The following MAF variants were observed in gnomAD, a reference collection of about 807,000 sequenced individuals.
MAF encodes transcription factor Maf.
MAF carries 10 observed loss-of-function variants against 22.0 expected under a neutral mutation model. That is an observed-to-expected ratio of 0.45 (90% confidence interval 0.28 to 0.77). The LOEUF (loss-of-function observed/expected upper bound fraction) is 0.77. MAF is among the 30% of genes least tolerant of loss of function. The pLI, the probability that MAF is intolerant of heterozygous loss-of-function variation, is 0.12. For synonymous variants in MAF, 337 were observed against 255.8 expected (o/e 1.32, Z -3.03); for missense variants, 544 against 548.4 (o/e 0.99, Z 0.08).
At chr16:79,443,920 A>T in the MAF span, among the ~76,000 whole-genome samples, 11 of 152,044 alleles carry the variant, frequency 7.2e-5, no homozygotes, top group Non-Finnish European at 2.9e-5. Context: ...TTTTTTTTTT[A>T]AATGAAGATT....
the MAF span, among the ~76,000 whole-genome samples, chr16:79,348,985 C>A: frequency 6.6e-6 from 1 of 152,194 alleles, no homozygotes; most frequent in Non-Finnish European, 1.5e-5. Context: ...ACTCCCCCTG[C>A]ACCTGAGCCT....
chr16:79,400,119 G>T, the MAF span, among the ~76,000 whole-genome samples: 1 of 152,154 alleles, frequency 6.6e-6, no homozygotes, highest in African/African-American at 2.4e-5. Flanking sequence ...CAGGGTAGTT[G>T]CTATTGACAT....
chr16:79,239,724 T>C, the MAF span, among the ~76,000 whole-genome samples: 9 of 152,068 alleles, frequency 5.9e-5, no homozygotes, highest in Admixed American at 6.6e-5. Context: ...AAGCCTTCTC[T>C]GTTTTGTTTA....
the MAF span, among the ~76,000 whole-genome samples, chr16:79,496,786 T>C: frequency 2.0e-5 from 3 of 152,196 alleles, no homozygotes; most frequent in Non-Finnish European, 4.4e-5. Context: ...GCCCATGATA[T>C]CTAGTGTTCT....
the MAF span, among the ~76,000 whole-genome samples, chr16:79,244,541 C>A: frequency 1.3e-4 from 20 of 151,996 alleles, no homozygotes; most frequent in African/African-American, 4.8e-4. Flanking sequence ...AGGAGAACTA[C>A]AAACCACTGC....
At chr16:79,587,022 G>C (rs776228917) in intron 1 of MAF, among the ~76,000 whole-genome samples, 10 of 152,164 alleles carry the variant, frequency 6.6e-5, no homozygotes, top group Admixed American at 3.3e-4. Context: ...AATTCTCTAG[G>C]CTGCTGTAAC....
At chr16:79,323,147 TAAAAAAAAAAAAAAAAAAAA>T in the MAF span, among the ~76,000 whole-genome samples, 19 of 19,870 alleles carry the variant, frequency 9.6e-4, no homozygotes, top group African/African-American at 1.7e-3. Context: ...AGACTCCATC[TAAAAAAAAAAAAAAAAAAAA>T]AAAAAAAAAA....
At chr16:79,253,304 C>A in the MAF span, among the ~76,000 whole-genome samples, 1 of 152,154 alleles carries the variant, frequency 6.6e-6, no homozygotes, top group African/African-American at 2.4e-5. Flanking sequence ...ACCATCATTG[C>A]CTGTTATTGG....
the MAF span, among the ~76,000 whole-genome samples, chr16:79,467,079 A>T: frequency 6.6e-6 from 1 of 152,052 alleles, no homozygotes; most frequent in African/African-American, 2.4e-5. Context: ...TCTTGTTGTC[A>T]CCCCTGTTTA....
chr16:79,324,190 G>A, the MAF span, among the ~76,000 whole-genome samples: 1 of 152,048 alleles, frequency 6.6e-6, no homozygotes, highest in African/African-American at 2.4e-5. Context: ...CATGAGTAGC[G>A]CCCATTTCAT....
the MAF span, among the ~76,000 whole-genome samples, chr16:79,533,316 C>A: frequency 0.59 from 89,587 of 152,000 alleles, 28,948 homozygotes; most frequent in Non-Finnish European, 0.73. Context: ...AAGGGTCAGT[C>A]AGAAGAGGTT....
the MAF span, among the ~76,000 whole-genome samples, chr16:79,302,912 G>A: frequency 6.6e-6 from 1 of 152,236 alleles, no homozygotes; most frequent in African/African-American, 2.4e-5. Context: ...GCTGCTAAAA[G>A]TGGTACCATT....
At chr16:79,507,613 G>T in the MAF span, among the ~76,000 whole-genome samples, 1 of 151,718 alleles carries the variant, frequency 6.6e-6, no homozygotes, top group African/African-American at 2.4e-5. Flanking sequence ...TTTTAGTAGA[G>T]ATGGGGTTTC....
the MAF span, among the ~76,000 whole-genome samples, chr16:79,289,197 G>C: frequency 3.9e-5 from 6 of 152,194 alleles, no homozygotes; most frequent in Non-Finnish European, 8.8e-5. Flanking sequence ...CAAGCAGGGA[G>C]TGGCACGGTG....
chr16:79,354,370 A>G, the MAF span, among the ~76,000 whole-genome samples: 13 of 152,094 alleles, frequency 8.5e-5, no homozygotes, highest in African/African-American at 2.7e-4. Flanking sequence ...AGCAAATAGG[A>G]AGAAACCTAG....
At chr16:79,502,405 C>A in the MAF span, among the ~76,000 whole-genome samples, 3 of 152,240 alleles carry the variant, frequency 2.0e-5, no homozygotes, top group Non-Finnish European at 4.4e-5. Flanking sequence ...GTGGGTCATG[C>A]GCCTAACTCC....
At chr16:79,597,401 G>A (rs1000980346) in intron 1 of MAF, 30 of 1,031,874 alleles carry the variant, frequency 2.9e-5, no homozygotes, top group Non-Finnish European at 3.4e-5. Context: ...TAATGGGGCA[G>A]TTTCTCTTTT....
At chr16:79,464,361 C>G in the MAF span, among the ~76,000 whole-genome samples, 5 of 152,166 alleles carry the variant, frequency 3.3e-5, no homozygotes, top group Non-Finnish European at 7.4e-5. Flanking sequence ...ACTGCCCACT[C>G]TAGCCCACCA....
At chr16:79,557,718 G>A in the MAF span, among the ~76,000 whole-genome samples, 1 of 151,988 alleles carries the variant, frequency 6.6e-6, no homozygotes, top group Non-Finnish European at 1.5e-5. Flanking sequence ...CAAAGACAAA[G>A]TTCATGTGCA....
Sources: allele counts gnomAD v4.1 joint callset (sites outside exome capture counted in the v4.1 genomes callset), GRCh38; gene constraint gnomAD v4.1.1; transcripts MANE v1.5; gene names NCBI Gene and HGNC (gene_info 2026-07-23, HGNC 2026-07-21).